The following NLGN1 variants were observed in gnomAD, a reference collection of about 807,000 sequenced individuals.
NLGN1 encodes neuroligin 1, also known as neuroligin-1.
In NLGN1, 12 loss-of-function variants were observed where a neutral mutation model predicts 65.5. That is an observed-to-expected ratio of 0.18 (90% CI 0.12 to 0.30). The LOEUF is 0.30. NLGN1 is among the 10% of genes least tolerant of loss of function. The pLI is 1.00. For synonymous variants in NLGN1, 350 were observed against 359.5 expected (o/e 0.97, Z 0.30); for missense variants, 750 against 1,007.1 (o/e 0.74, Z 3.46).
chr3:173,700,570 G>A (rs537130551), intron 3 of NLGN1, among the ~76,000 whole-genome samples: 38 of 152,020 alleles, frequency 2.5e-4, no homozygotes, highest in Admixed American at 8.5e-4. Context: ...TGGAGTCTGC[G>A]TAGAATCTAC....
intron 3 of NLGN1, among the ~76,000 whole-genome samples, chr3:173,684,086 G>A (rs576483844): frequency 3.9e-5 from 6 of 151,914 alleles, no homozygotes; most frequent in African/African-American, 9.7e-5. Context: ...TTACTTAATT[G>A]TATATAACAA....
chr3:173,854,134 A>G (rs935760571), intron 4 of NLGN1, among the ~76,000 whole-genome samples: 1 of 152,008 alleles, frequency 6.6e-6, no homozygotes, highest in Non-Finnish European at 1.5e-5. Context: ...TTTTTAAGCA[A>G]GATACACTTT....
intron 2 of NLGN1, among the ~76,000 whole-genome samples, chr3:173,488,297 C>G (rs1225954045): frequency 6.6e-6 from 1 of 151,936 alleles, no homozygotes; most frequent in Non-Finnish European, 1.5e-5. Context: ...TTAAATCAAC[C>G]TAAACTAAAA....
At chr3:173,519,028 G>A (rs1734325464) in intron 2 of NLGN1, among the ~76,000 whole-genome samples, 1 of 152,104 alleles carries the variant, frequency 6.6e-6, no homozygotes, top group Non-Finnish European at 1.5e-5. Flanking sequence ...CATCCCAGAA[G>A]CTTGAACTCC....
chr3:173,963,758 GT>G (rs753833649), intron 4 of NLGN1, among the ~76,000 whole-genome samples: 155 of 152,306 alleles, frequency 1.0e-3, no homozygotes, highest in Non-Finnish European at 2.0e-3. Context: ...GCAATACAAA[GT>G]TCAAAAGGTG....
intron 4 of NLGN1, among the ~76,000 whole-genome samples, chr3:173,881,139 C>G (rs1453096270): frequency 6.9e-6 from 1 of 144,632 alleles, no homozygotes; most frequent in Non-Finnish European, 1.5e-5. Flanking sequence ...GCTCTTGTCA[C>G]CCAGGCTGGA....
chr3:173,842,039 A>G (rs2004185), intron 4 of NLGN1, among the ~76,000 whole-genome samples: 17,339 of 152,222 alleles, frequency 0.11, 1,255 homozygotes, highest in East Asian at 0.18. Flanking sequence ...ACAGTTCCAC[A>G]TGGCTGGGGA....
At chr3:174,072,763 C>G (rs1032745579) in intron 4 of NLGN1, among the ~76,000 whole-genome samples, 1 of 151,890 alleles carries the variant, frequency 6.6e-6, no homozygotes, top group African/African-American at 2.4e-5. Context: ...TTTTGGAGCC[C>G]CCCTAGAAGG....
chr3:173,847,005 C>T (rs1000791671), intron 4 of NLGN1, among the ~76,000 whole-genome samples: 18 of 151,746 alleles, frequency 1.2e-4, no homozygotes, highest in African/African-American at 3.4e-4. Context: ...TAGTGAATAC[C>T]TTTTTTTTAA....
rs1157440991 is a variant in NLGN1, at chr3:174,127,667, G to T, written c.647-147648G>T. On this transcript the variant is annotated intron_variant, in intron 4 of 6. Coordinates refer to ENST00000457714, the Ensembl canonical transcript of NLGN1. ...TTCCAATACTAACCCTTCAAAAAAG[G>T]TACACGTAGCAGGTACTTAATAGAG... Among the ~76,000 whole-genome samples the T allele has an allele frequency of 2.6e-5, 4 of 152,178 alleles. No individual in the cohort carries two copies. In the East Asian group the frequency reaches 7.7e-4, roughly 29 times the overall value.
rs545296989 is a variant in NLGN1, at chr3:173,614,350, AAAT to A, written c.493+9261_493+9263del. Among the ~76,000 whole-genome samples, 40 of 152,164 alleles carry A rather than the reference AAAT, an allele frequency of 2.6e-4. 1 individual carries two copies. In the East Asian group the frequency reaches 6.4e-3, roughly 24 times the overall value. On this transcript the variant is annotated intron_variant, in intron 3 of 6. Transcript: ENST00000457714. ...AGGGATCCCTGGTTAAAATTATTAAAAATATATATGTGCTTCCTAATTTGGACT... is the reference window on the plus strand; with the variant it reads ...AGGGATCCCTGGTTAAAATTATTAAAATATATGTGCTTCCTAATTTGGACT...
At chr3:174,041,568 G>A (rs1288812806) in intron 4 of NLGN1, among the ~76,000 whole-genome samples, 1 of 152,114 alleles carries the variant, frequency 6.6e-6, no homozygotes, top group South Asian at 2.1e-4. Flanking sequence ...TACAAAATTA[G>A]ATGTGAGTTG....
intron 4 of NLGN1, among the ~76,000 whole-genome samples, chr3:174,220,898 G>GC (rs1488961732): frequency 8.5e-5 from 13 of 152,214 alleles, no homozygotes; most frequent in Non-Finnish European, 1.2e-4. Context: ...GAATTCTATG[G>GC]CAGTACAAGC....
chr3:173,529,799 A>T (rs1736252039), intron 2 of NLGN1, among the ~76,000 whole-genome samples: 1 of 151,776 alleles, frequency 6.6e-6, no homozygotes, highest in African/African-American at 2.4e-5. Context: ...GAAGGGGAGG[A>T]TACCTTTCAG....
chr3:173,992,755 T>C (rs2152414670), intron 4 of NLGN1, among the ~76,000 whole-genome samples: 1 of 152,312 alleles, frequency 6.6e-6, no homozygotes, highest in South Asian at 2.1e-4. Flanking sequence ...CAAGAAGATA[T>C]TAAGAGCACA....
intron 2 of NLGN1, among the ~76,000 whole-genome samples, chr3:173,602,251 AAC>A (rs1169674299): frequency 1.3e-5 from 2 of 152,058 alleles, no homozygotes; most frequent in African/African-American, 4.8e-5. Flanking sequence ...GAAAATTGTC[AAC>A]AAATTTGAGA....
chr3:173,645,403 G>A (rs1484330076), intron 3 of NLGN1, among the ~76,000 whole-genome samples: 2 of 152,196 alleles, frequency 1.3e-5, no homozygotes, highest in Non-Finnish European at 2.9e-5. Context: ...CCCATCTCTT[G>A]CAGGCTTTCC....
At chr3:173,640,582 A>G (rs904132643) in intron 3 of NLGN1, among the ~76,000 whole-genome samples, 1 of 152,300 alleles carries the variant, frequency 6.6e-6, no homozygotes. Flanking sequence ...TTAATACAAT[A>G]ATCTGATAAC....
At chr3:173,586,142 T>A (rs1577398165) in intron 2 of NLGN1, among the ~76,000 whole-genome samples, 3 of 148,178 alleles carry the variant, frequency 2.0e-5, no homozygotes, top group South Asian at 2.2e-4. Flanking sequence ...CTTTTTTTTT[T>A]AAAGCCAATT....
Sources: gnomAD v4.1 joint callset for allele counts (sites outside exome capture counted in the v4.1 genomes callset) on GRCh38, gnomAD v4.1.1 for gene constraint, MANE v1.5 for transcripts, NCBI Gene and HGNC (gene_info 2026-07-23, HGNC 2026-07-21) for gene names.